TMPRSS7: variants seen among roughly 807,000 people sequenced by gnomAD.
TMPRSS7 encodes the protein transmembrane serine protease 7, also known as transmembrane protease serine 7.
A neutral mutation model predicts 95.6 loss-of-function variants in TMPRSS7; 81 were observed. That is an observed-to-expected ratio of 0.85 (90% CI 0.71 to 1.02). TMPRSS7 has a LOEUF of 1.02. Ranked by LOEUF, TMPRSS7 falls within the 50% of genes least tolerant of loss-of-function variation. The pLI is 0.00. For synonymous variants in TMPRSS7, 364 were observed against 337.8 expected (o/e 1.08, Z -0.85); for missense variants, 945 against 955.2 (o/e 0.99, Z 0.14).
intron 2 of TMPRSS7, among the ~76,000 whole-genome samples, chr3:112,040,809 G>A (rs2073198632): frequency 6.6e-6 from 1 of 152,188 alleles, no homozygotes; most frequent in Non-Finnish European, 1.5e-5. Flanking sequence ...TAGAAATCAG[G>A]TTAGTTTTGA....
chr3:112,043,033 CT>C (rs1449614401), intron 3 of TMPRSS7: 2 of 455,884 alleles, frequency 4.4e-6, no homozygotes, highest in African/African-American at 4.0e-5. Flanking sequence ...CTCAGAGCAG[CT>C]TTTACTTATT....
At chr3:112,081,165 G>A in exon 18 of TMPRSS7, 1 of 1,402,734 alleles carries the variant, frequency 7.1e-7, no homozygotes. Flanking sequence ...GGGTGCGCTG[G>A]CTCACACCTG....
intron 12 of TMPRSS7, among the ~76,000 whole-genome samples, chr3:112,064,976 T>C (rs2073555732): frequency 6.6e-6 from 1 of 152,248 alleles, no homozygotes; most frequent in Non-Finnish European, 1.5e-5. Flanking sequence ...TGGAAAAATA[T>C]AGTTAATATG....
At chr3:112,073,341 G>A (rs113507951) in intron 13 of TMPRSS7, among the ~76,000 whole-genome samples, 4,554 of 151,972 alleles carry the variant, frequency 0.03, 189 homozygotes, top group African/African-American at 0.088. Context: ...CAATCCACCC[G>A]CCTCAGCCTC....
At chr3:112,055,029 T>G (rs1214540973) in intron 9 of TMPRSS7, among the ~76,000 whole-genome samples, 1 of 152,136 alleles carries the variant, frequency 6.6e-6, no homozygotes, top group Non-Finnish European at 1.5e-5. Context: ...CGTGAGCCAC[T>G]GCACCCGGCC....
chr3:112,062,382 T>C (rs1277667752), intron 11 of TMPRSS7, among the ~76,000 whole-genome samples: 4 of 152,156 alleles, frequency 2.6e-5, no homozygotes, highest in African/African-American at 4.8e-5. Flanking sequence ...CCTCAGAATA[T>C]TGAGTTTGAA....
chr3:112,080,554 TACTACTACTACTACTATTACCACC>T (rs1247192089), intron 17 of TMPRSS7, among the ~76,000 whole-genome samples: 1 of 75,894 alleles, frequency 1.3e-5, no homozygotes, highest in Non-Finnish European at 2.9e-5. Context: ...CTACCACCAC[TACTACTACTACTACTATTACCACC>T]ACCACCACCA....
At chr3:112,043,643 A>C (rs4682080) in intron 3 of TMPRSS7, among the ~76,000 whole-genome samples, 136,919 of 152,224 alleles carry the variant, frequency 0.9, 62,400 homozygotes, top group East Asian at 1. Flanking sequence ...ATACTAGAGA[A>C]AATGACTGGG....
chr3:112,077,236 T>C (rs373306895), intron 16 of TMPRSS7, 92 bp downstream of exon 16: 2 of 1,421,866 alleles, frequency 1.4e-6, no homozygotes, highest in Non-Finnish European at 1.9e-6. Flanking sequence ...AGGGTTTGTG[T>C]ATATGATCTC....
At chr3:112,076,751 G>A in intron 15 of TMPRSS7, 125 bp from the exon 16 acceptor site, 1 of 1,145,826 alleles carries the variant, frequency 8.7e-7, no homozygotes, top group Non-Finnish European at 1.2e-6. Flanking sequence ...CAAAGCCAGT[G>A]ACTATAATAA....
chr3:112,044,156 T>C, intron 3 of TMPRSS7, 99 bp from the exon 4 acceptor site: 1 of 781,028 alleles, frequency 1.3e-6, no homozygotes, highest in Non-Finnish European at 2.1e-6. Flanking sequence ...CTTGCATTTC[T>C]TCTTGCTGGC....
At chr3:112,050,893 T>G in intron 9 of TMPRSS7, 110 bp downstream of exon 9, 1 of 563,278 alleles carries the variant, frequency 1.8e-6, no homozygotes, top group Non-Finnish European at 3.0e-6. Flanking sequence ...TTTATAAAAT[T>G]TCAGTATTAT....
intron 13 of TMPRSS7, among the ~76,000 whole-genome samples, chr3:112,067,220 A>C (rs340149): frequency 0.046 from 6,980 of 152,272 alleles, 226 homozygotes; most frequent in African/African-American, 0.087. Flanking sequence ...TTCTTAATCC[A>C]GTCTATCATT....
intron 3 of TMPRSS7, chr3:112,042,965 C>T (rs1367605662): frequency 6.6e-6 from 3 of 454,796 alleles, no homozygotes; most frequent in African/African-American, 2.0e-5. Context: ...GACACAATGA[C>T]TGGCTGTGTA....
intron 13 of TMPRSS7, among the ~76,000 whole-genome samples, chr3:112,071,489 G>A (rs2073645221): frequency 6.6e-6 from 1 of 152,042 alleles, no homozygotes; most frequent in Non-Finnish European, 1.5e-5. Flanking sequence ...TTGAATGTTG[G>A]CCTGCCATGT....
rs144741324 is a variant in TMPRSS7 at position 112,061,749 on chromosome 3, C to T, written c.1311-38C>T. The T allele has an allele frequency of 3.2e-6, 5 of 1,558,786 alleles. No individual in the cohort carries two copies. The African/African-American group carries it at 5.5e-5, about 17-fold the overall frequency. ...TGAATGGGAATTCAGTCGACAGAAC[C>T]TCAAGCTGTGTATTCTCCCCGACTC... On this transcript the variant is annotated intron_variant, in intron 10 of 17. Coordinates refer to ENST00000452346, the Ensembl canonical transcript of TMPRSS7.
chr3:112,074,508 C>T (rs370180770), intron 14 of TMPRSS7, 96 bp downstream of exon 14: 15 of 929,304 alleles, frequency 1.6e-5, no homozygotes, highest in East Asian at 2.7e-5. Flanking sequence ...TTCCCTTGAT[C>T]GAGGTTGCCA....
At chr3:112,037,064 A>G (rs2073154649) in intron 1 of TMPRSS7, among the ~76,000 whole-genome samples, 1 of 152,178 alleles carries the variant, frequency 6.6e-6, no homozygotes, top group Admixed American at 6.5e-5. Flanking sequence ...AATTGTTCGT[A>G]AAGCATGTGT....
exon 2 of TMPRSS7, chr3:112,038,219 A>G (rs1377380761): frequency 2.8e-6 from 2 of 702,886 alleles, no homozygotes; most frequent in Non-Finnish European, 2.6e-6. Context: ...GCAATCCAAG[A>G]AAAAAGTTCC....
Sources: gnomAD v4.1 joint callset for allele counts (sites outside exome capture counted in the v4.1 genomes callset) on GRCh38, gnomAD v4.1.1 for gene constraint, MANE v1.5 for transcripts, NCBI Gene and HGNC (gene_info 2026-07-23, HGNC 2026-07-21) for gene names.